MITD1: variants seen among roughly 807,000 people sequenced by gnomAD.
MITD1 encodes the protein microtubule interacting and trafficking domain containing 1.
Under a neutral mutation model 34.9 loss-of-function variants are expected in MITD1, and 24 were observed. The observed-to-expected ratio is 0.69, with a 90% CI of 0.50 to 0.97. The LOEUF is 0.97. MITD1 is among the 50% of genes least tolerant of loss of function. The pLI is 0.00. For synonymous variants in MITD1, 102 were observed against 101.4 expected (o/e 1.01, Z -0.04); for missense variants, 266 against 294.6 (o/e 0.90, Z 0.71).
Position 99,169,589 on chromosome 2 carries a change from A to C in MITD1, c.615T>G (p.Ile205Met), listed in dbSNP as rs760473731. ...AATAATCAAGTCCCCTTCCAATCTT[A>C]ATCATCCATCCATTGTTGAACCTGT... The part of the protein sequence containing the change: ...REIRFNNGWM[I>M]KIGRGLDYFK... The change falls in exon 6 of 7, where the codon ATT (isoleucine) becomes ATG (methionine). Residue 205 changes from isoleucine to methionine, a missense_variant. Coordinates refer to ENST00000289359, the MANE Select transcript of MITD1 (RefSeq NM_138798.3). The C allele has an allele frequency of 9.3e-6, 15 of 1,608,232 alleles. No homozygotes were observed. In the East Asian group the frequency reaches 3.1e-4, roughly 34 times the overall value.
At chr2:99,170,674 T>A (rs1325850751) in intron 4 of MITD1, 22 bp from the exon 5 acceptor site, 1 of 1,121,436 alleles carries the variant, frequency 8.9e-7, no homozygotes, top group African/African-American at 1.5e-5. Context: ...AAAAATACGA[T>A]TATCTGCCGC....
At chr2:99,168,351 C>T (rs566727748), downstream of MITD1, among the ~76,000 whole-genome samples, 480 of 152,208 alleles carry the variant, frequency 3.2e-3, 1 homozygote, top group African/African-American at 9.8e-3. Context: ...ATGTTGGCCA[C>T]GCTGGTCTCA....
intron 2 of MITD1, chr2:99,173,684 G>T: frequency 1.8e-6 from 1 of 556,008 alleles, no homozygotes; most frequent in Non-Finnish European, 3.2e-6. Context: ...GATGTTCAAA[G>T]GGGTGTCTGA....
In MITD1 at chr2:99,176,609, G is replaced by A. The variant is rs1352589161; in HGVS notation, c.152-2593C>T. Among the ~76,000 whole-genome samples, 4 of 152,182 alleles carry A rather than the reference G, an allele frequency of 2.6e-5. No individual in the cohort carries two copies. In the South Asian group the frequency reaches 6.2e-4, roughly 24 times the overall value. The stretch of plus-strand genomic sequence containing the variant: ...CCCAAAGTGCTGGGATTACAGGCGT[G>A]AGCCACCACACCTGGCCATTCGTAA... On this transcript the variant is annotated intron_variant, in intron 1 of 6. Transcript: ENST00000289359.
rs775475335 is a variant in MITD1, at chr2:99,163,022, C to T, written c.*4-804G>A. On this transcript the variant is annotated intron_variant, in intron 7 of 7. Transcript: ENST00000422537. ...TATTACTTAGAACATGTCCACAAGA[C>T]CACAAACTAAACAGTAAATGGAATA... 11 of 1,599,082 alleles carry T rather than the reference C, an allele frequency of 6.9e-6. 1 individual carries two copies. In the East Asian group the frequency reaches 2.2e-4, roughly 33 times the overall value.
intron 1 of MITD1, among the ~76,000 whole-genome samples, chr2:99,179,141 G>A (rs1002670828): frequency 1.3e-5 from 2 of 152,130 alleles, no homozygotes; most frequent in Non-Finnish European, 2.9e-5. Flanking sequence ...CCATCTATGT[G>A]ACATCATTGT....
intron 3 of MITD1, 25 bp downstream of exon 3, chr2:99,171,485 A>G (rs921552952): frequency 1.3e-6 from 2 of 1,595,538 alleles, no homozygotes; most frequent in Admixed American, 1.7e-5. Flanking sequence ...ATGATATTTC[A>G]TTATATTTTA....
At chr2:99,174,119 C>A in intron 1 of MITD1, 103 bp from the exon 2 acceptor site, 1 of 647,724 alleles carries the variant, frequency 1.5e-6, no homozygotes, top group Non-Finnish European at 2.6e-6. Context: ...TTCCTATCCT[C>A]TAGTATGGCT....
chr2:99,179,976 G>A (rs962063344), intron 1 of MITD1, among the ~76,000 whole-genome samples: 4 of 152,156 alleles, frequency 2.6e-5, no homozygotes, highest in African/African-American at 9.7e-5. Flanking sequence ...AAGAACAGAG[G>A]GAGCTTAGTC....
chr2:99,174,871 G>A (rs1427334653), intron 1 of MITD1, among the ~76,000 whole-genome samples: 5 of 152,126 alleles, frequency 3.3e-5, no homozygotes, highest in African/African-American at 9.7e-5. Context: ...GATTACAGGC[G>A]TGAGCCACCG....
intron 1 of MITD1, among the ~76,000 whole-genome samples, chr2:99,174,887 G>T (rs992282061): frequency 1.4e-5 from 2 of 147,618 alleles, no homozygotes; most frequent in East Asian, 2.0e-4. Flanking sequence ...CACCGTGCCC[G>T]GCCCATTTTT....
chr2:99,174,056 G>T, intron 1 of MITD1, 40 bp from the exon 2 acceptor site: 1 of 1,046,460 alleles, frequency 9.6e-7, no homozygotes, highest in South Asian at 1.5e-5. Context: ...TATCAAAATA[G>T]TTTTTCTATT....
chr2:99,162,007 G>A, exon 8 of MITD1: 1 of 1,613,116 alleles, frequency 6.2e-7, no homozygotes, highest in East Asian at 2.2e-5. Context: ...CTTTGTAACT[G>A]CCAGGTCCCA....
In MITD1 at chr2:99,181,026, CG is replaced by C. The variant is rs757103113; in HGVS notation, c.-46del. 18 of 1,589,258 alleles carry C rather than the reference CG, an allele frequency of 1.1e-5. No individual in the cohort carries two copies. Among genetic ancestry groups the C allele is most frequent in the Middle Eastern group, 2.0e-4 (1 of 5,068 alleles). On this transcript the variant is annotated 5_prime_UTR_variant, in exon 1 of 7. The change creates a premature stop within an existing upstream ORF in the 5' untranslated region. Transcript: ENST00000289359. The stretch of plus-strand genomic sequence containing the variant: ...CGCCTCAACCCAGGATGAAGTTGAG[CG>C]GGTCTGCTGCGCTTCCGGGAAGTGG...
intron 1 of MITD1, among the ~76,000 whole-genome samples, chr2:99,177,249 TC>T (rs1262007659): frequency 1.3e-5 from 2 of 152,188 alleles, no homozygotes; most frequent in Non-Finnish European, 2.9e-5. Flanking sequence ...CATCCTTCAA[TC>T]ATTACGCTAC....
At chr2:99,174,979 G>A (rs2093879346) in intron 1 of MITD1, among the ~76,000 whole-genome samples, 1 of 152,168 alleles carries the variant, frequency 6.6e-6, no homozygotes, top group South Asian at 2.1e-4. Flanking sequence ...GCCCACCTCG[G>A]CCTCCCAAAG....
intron 5 of MITD1, 78 bp downstream of exon 5, chr2:99,170,459 G>A (rs2093849716): frequency 2.5e-6 from 1 of 395,916 alleles, no homozygotes; most frequent in Non-Finnish European, 4.6e-6. Flanking sequence ...AATATTTATA[G>A]GCAATTATAT....
intron 7 of MITD1, chr2:99,162,427 A>T: frequency 6.2e-7 from 1 of 1,614,022 alleles, no homozygotes; most frequent in Non-Finnish European, 8.5e-7. Flanking sequence ...CTTTTACTTG[A>T]TGGACAGTTT....
chr2:99,166,793 C>G (rs1312817896), downstream of MITD1, among the ~76,000 whole-genome samples: 1 of 146,026 alleles, frequency 6.8e-6, no homozygotes, highest in African/African-American at 2.5e-5. Flanking sequence ...TTTACATGAC[C>G]AAGTCTTTTG....
Sources: gnomAD v4.1 joint callset for allele counts (sites outside exome capture counted in the v4.1 genomes callset) on GRCh38, gnomAD v4.1.1 for gene constraint, MANE v1.5 for transcripts, NCBI Gene and HGNC (gene_info 2026-07-23, HGNC 2026-07-21) for gene names.